Variants in PRKCQ observed in about 807,000 individuals in gnomAD.
The protein encoded by PRKCQ is protein kinase C theta.
A neutral mutation model predicts 91.2 loss-of-function variants in PRKCQ; 41 were observed. That is an observed-to-expected ratio of 0.45 (90% CI 0.35 to 0.58). PRKCQ has a LOEUF of 0.58. PRKCQ is among the 20% of genes least tolerant of loss of function. The pLI is 0.00. For synonymous variants in PRKCQ, 307 were observed against 316.9 expected (o/e 0.97, Z 0.33); for missense variants, 673 against 896.5 (o/e 0.75, Z 3.18).
intron 2 of PRKCQ, among the ~76,000 whole-genome samples, chr10:6,513,440 C>T (rs1369326231): frequency 9.2e-6 from 1 of 108,636 alleles, no homozygotes; most frequent in East Asian, 2.5e-4. Flanking sequence ...AAAGGCAAGG[C>T]CAAATGCAAA....
chr10:6,536,077 G>A (rs7089508), intron 1 of PRKCQ, among the ~76,000 whole-genome samples: 60,842 of 151,996 alleles, frequency 0.4, 14,916 homozygotes, highest in Admixed American at 0.55. Flanking sequence ...GCAGATGTGC[G>A]TGGGGAGGTT....
chr10:6,574,622 C>A (rs763426380), intron 1 of PRKCQ, among the ~76,000 whole-genome samples: 4 of 152,192 alleles, frequency 2.6e-5, no homozygotes, highest in Non-Finnish European at 2.9e-5. Flanking sequence ...TCACTGCTAT[C>A]AGAGATCACA....
chr10:6,463,518 G>A (rs1003456711), intron 13 of PRKCQ, among the ~76,000 whole-genome samples: 3 of 152,188 alleles, frequency 2.0e-5, no homozygotes, highest in African/African-American at 4.8e-5. Context: ...AATGATCTCA[G>A]CAGAGTGCTA....
chr10:6,544,842 G>A (rs530956981), intron 1 of PRKCQ, among the ~76,000 whole-genome samples: 5 of 152,094 alleles, frequency 3.3e-5, no homozygotes, highest in Admixed American at 3.3e-4. Context: ...GGCTGCTCTC[G>A]AACTCCTGAC....
the PRKCQ span, among the ~76,000 whole-genome samples, chr10:6,408,064 T>G: frequency 6.8e-6 from 1 of 146,708 alleles, no homozygotes; most frequent in East Asian, 2.0e-4. Context: ...TTTTTTTTTT[T>G]TTTTTTTTTT....
intron 16 of PRKCQ, among the ~76,000 whole-genome samples, chr10:6,432,675 A>G (rs923768431): frequency 6.6e-6 from 1 of 152,158 alleles, no homozygotes; most frequent in South Asian, 2.1e-4. Flanking sequence ...AGGGCTAGAC[A>G]AGGTGATCTC....
chr10:6,565,096 T>C (rs7100152), intron 1 of PRKCQ, among the ~76,000 whole-genome samples: 15,515 of 152,312 alleles, frequency 0.1, 854 homozygotes, highest in Middle Eastern at 0.2. Flanking sequence ...TAGATGAACA[T>C]TCAAGCAAAT....
At chr10:6,540,614 C>T (rs1312072503) in intron 1 of PRKCQ, among the ~76,000 whole-genome samples, 1 of 152,046 alleles carries the variant, frequency 6.6e-6, no homozygotes, top group African/African-American at 2.4e-5. Context: ...TGAATATGCC[C>T]CATTTTGTTT....
intron 17 of PRKCQ, among the ~76,000 whole-genome samples, chr10:6,429,057 C>T (rs1024243248): frequency 3.9e-5 from 6 of 152,160 alleles, no homozygotes; most frequent in Non-Finnish European, 5.9e-5. Context: ...TTGAGAACAA[C>T]CATTATCAAC....
chr10:6,560,331 C>T (rs908233227), intron 1 of PRKCQ, among the ~76,000 whole-genome samples: 33 of 152,094 alleles, frequency 2.2e-4, no homozygotes, highest in African/African-American at 6.5e-4. Flanking sequence ...TGAGGAGCGG[C>T]GTGCTACAGG....
At chr10:6,423,886 G>C (rs567487577), downstream of PRKCQ, among the ~76,000 whole-genome samples, 1 of 152,278 alleles carries the variant, frequency 6.6e-6, no homozygotes, top group South Asian at 2.1e-4. Flanking sequence ...GCATTCTCGT[G>C]TGCCAGGCCC....
intron 2 of PRKCQ, among the ~76,000 whole-genome samples, chr10:6,513,786 ACC>A (rs977182212): frequency 3.9e-5 from 6 of 152,134 alleles, no homozygotes; most frequent in Admixed American, 3.9e-4. Flanking sequence ...AGGTTTGGGA[ACC>A]CCAGAATCTG....
At chr10:6,545,029 T>C (rs927343081) in intron 1 of PRKCQ, among the ~76,000 whole-genome samples, 16 of 151,816 alleles carry the variant, frequency 1.1e-4, no homozygotes, top group African/African-American at 3.1e-4. Context: ...CGGGAAAATG[T>C]GAATGTAACA....
chr10:6,458,049 T>A (rs1835113265), intron 14 of PRKCQ, among the ~76,000 whole-genome samples: 1 of 152,080 alleles, frequency 6.6e-6, no homozygotes, highest in Admixed American at 6.5e-5. Context: ...GAGCAAGCAG[T>A]CCTCCCACCT....
At chr10:6,424,263 CCCT>C (rs1049695956), downstream of PRKCQ, among the ~76,000 whole-genome samples, 1 of 152,164 alleles carries the variant, frequency 6.6e-6, no homozygotes, top group African/African-American at 2.4e-5. Context: ...TTCAGTTGCT[CCCT>C]CAAGATTCAT....
At chr10:6,489,174 A>G (rs1837126080) in intron 8 of PRKCQ, among the ~76,000 whole-genome samples, 1 of 151,718 alleles carries the variant, frequency 6.6e-6, no homozygotes, top group African/African-American at 2.4e-5. Flanking sequence ...CATTCGCCCT[A>G]TTTAGAAGGT....
intron 1 of PRKCQ, among the ~76,000 whole-genome samples, chr10:6,550,377 T>C (rs1317118796): frequency 6.6e-6 from 1 of 152,112 alleles, no homozygotes; most frequent in South Asian, 2.1e-4. Context: ...AGATTCAAAC[T>C]ATTCTCATGC....
rs1334108814 is a variant in PRKCQ, at chr10:6,507,435, C to G, written c.379+1G>C. 6.2e-7 allele frequency: 1 copy of G among 1,612,986 alleles called. No individual in the cohort carries two copies. Among genetic ancestry groups the G allele is most frequent in the Admixed American group, 1.7e-5 (1 of 59,986 alleles). On this transcript the variant is annotated splice_donor_variant, in intron 4 of 17. Transcript: ENST00000263125. LOFTEE classifies it high-confidence loss of function. Reference sequence around the variant, plus strand: ...AAACAGGAAGAAGAAATGTCACTTGCCACTCATTTCCAGAAAGTATCTTGC... The same window carrying G: ...AAACAGGAAGAAGAAATGTCACTTGGCACTCATTTCCAGAAAGTATCTTGC...
At chr10:6,436,054 C>T (rs1356812621) in intron 16 of PRKCQ, among the ~76,000 whole-genome samples, 1 of 152,172 alleles carries the variant, frequency 6.6e-6, no homozygotes, top group Non-Finnish European at 1.5e-5. Flanking sequence ...GCATAGGCTG[C>T]AGTGAGCTGA....
Sources: allele counts gnomAD v4.1 joint callset (sites outside exome capture counted in the v4.1 genomes callset), GRCh38; gene constraint gnomAD v4.1.1; transcripts MANE v1.5; gene names NCBI Gene and HGNC (gene_info 2026-07-23, HGNC 2026-07-21).